The following SLC30A7 variants were observed in gnomAD, a reference collection of about 807,000 sequenced individuals.
SLC30A7 encodes the protein solute carrier family 30 member 7.
Under a neutral mutation model 46.0 loss-of-function variants are expected in SLC30A7, and 35 were observed. The ratio of observed to expected loss-of-function variants is 0.76; its 90% CI spans 0.58 to 1.01. The LOEUF (loss-of-function observed/expected upper bound fraction) is 1.01, where lower values mean the gene tolerates loss of function less well. Ranked by LOEUF, SLC30A7 falls within the 50% of genes least tolerant of loss-of-function variation. SLC30A7 has a pLI of 0.00. For missense variants in SLC30A7, 464 were observed against 451.1 expected (o/e 1.03, Z -0.26); for synonymous variants, 147 against 157.8 (o/e 0.93, Z 0.51).
intron 8 of SLC30A7, among the ~76,000 whole-genome samples, chr1:100,959,054 C>A (rs572253866): frequency 3.9e-5 from 6 of 152,052 alleles, no homozygotes; most frequent in African/African-American, 1.4e-4. Context: ...TTGAGCAAAA[C>A]CATGAAAGTA....
At chr1:100,918,873 A>G (rs1002462398) in intron 7 of SLC30A7, among the ~76,000 whole-genome samples, 1 of 152,192 alleles carries the variant, frequency 6.6e-6, no homozygotes, top group African/African-American at 2.4e-5. Context: ...ATCATAGCAC[A>G]TTATTGCCAG....
At chr1:100,904,821 CT>C (rs1187574628) in intron 2 of SLC30A7, among the ~76,000 whole-genome samples, 1 of 152,186 alleles carries the variant, frequency 6.6e-6, no homozygotes, top group Non-Finnish European at 1.5e-5. Context: ...TATTTGTTAA[CT>C]TTAACCCAAA....
intron 8 of SLC30A7, among the ~76,000 whole-genome samples, chr1:100,939,831 A>G (rs1164446909): frequency 6.6e-6 from 1 of 151,580 alleles, no homozygotes; most frequent in African/African-American, 2.4e-5. Context: ...CCTGGGCAAC[A>G]GAGTGAGACT....
chr1:100,953,789 T>C (rs1655077810), intron 8 of SLC30A7, among the ~76,000 whole-genome samples: 1 of 152,228 alleles, frequency 6.6e-6, no homozygotes, highest in Admixed American at 6.5e-5. Context: ...AATTTTTACT[T>C]ATATTGCTGG....
the SLC30A7 span, among the ~76,000 whole-genome samples, chr1:100,993,948 T>A: frequency 1.3e-5 from 2 of 151,998 alleles, no homozygotes; most frequent in Non-Finnish European, 2.9e-5. Context: ...TTCACCATCT[T>A]GGCCAGGCTG....
At chr1:100,945,336 G>A (rs1359092193) in intron 8 of SLC30A7, among the ~76,000 whole-genome samples, 2 of 152,094 alleles carry the variant, frequency 1.3e-5, no homozygotes, top group Non-Finnish European at 2.9e-5. Flanking sequence ...ATTGCTTTTG[G>A]TGTTTTAGTC....
the SLC30A7 span, among the ~76,000 whole-genome samples, chr1:100,988,843 G>A: frequency 6.6e-6 from 1 of 151,830 alleles, no homozygotes; most frequent in Non-Finnish European, 1.5e-5. Context: ...GAGTGAGACT[G>A]TGTCTCAAAA....
rs1158070729 is a variant in SLC30A7, at chr1:100,977,569, A to T, written c.*2712A>T. ...ATAAAATTAATTTACAATGTCCCTGATATTGAGCTAACTCTTAAAAAAACC... is the reference window on the plus strand; with the variant it reads ...ATAAAATTAATTTACAATGTCCCTGTTATTGAGCTAACTCTTAAAAAAACC... On this transcript the variant is annotated 3_prime_UTR_variant, in exon 11 of 11. Transcript: ENST00000357650. The T allele has an allele frequency of 3.3e-5, 5 of 152,142 alleles. No individual in the cohort carries two copies. Among genetic ancestry groups the T allele is most frequent in the African/African-American group, 4.8e-5 (2 of 41,428 alleles). The allele number at this position is 152,142 out of a possible 1,614,324, so 9.4% of individuals were successfully genotyped here.
At chr1:100,945,201 G>C (rs1654559300) in intron 8 of SLC30A7, among the ~76,000 whole-genome samples, 1 of 151,974 alleles carries the variant, frequency 6.6e-6, no homozygotes, top group Non-Finnish European at 1.5e-5. Context: ...TTGTCAGATG[G>C]GTAGATTGCA....
At chr1:100,953,821 A>C (rs1484088937) in intron 8 of SLC30A7, among the ~76,000 whole-genome samples, 1 of 152,174 alleles carries the variant, frequency 6.6e-6, no homozygotes, top group Non-Finnish European at 1.5e-5. Context: ...TTTCTTATTC[A>C]TAAAAATGAA....
chr1:100,967,065 A>G lies in SLC30A7; in HGVS notation c.1083+1147A>G, dbSNP rs1212844583. ...CTGATTACTATGGTATGTATTGTGTATATATTGGGAGAATAAGAAGGTCAT... is the reference window on the plus strand; with the variant it reads ...CTGATTACTATGGTATGTATTGTGTGTATATTGGGAGAATAAGAAGGTCAT... On this transcript the variant is annotated intron_variant, in intron 10 of 10. Transcript: ENST00000357650. Among the ~76,000 whole-genome samples the G allele has an allele frequency of 2.0e-5, 3 of 152,236 alleles. No individual in the cohort carries two copies. In the East Asian group the frequency reaches 5.8e-4, roughly 29 times the overall value.
At chr1:100,911,862 C>T (rs1435010096) in intron 4 of SLC30A7, among the ~76,000 whole-genome samples, 4 of 151,990 alleles carry the variant, frequency 2.6e-5, no homozygotes. Context: ...TTTCAAGATA[C>T]CACATAAGAA....
At chr1:100,912,500 G>GA (rs1323881635) in intron 5 of SLC30A7, among the ~76,000 whole-genome samples, 1 of 152,014 alleles carries the variant, frequency 6.6e-6, no homozygotes, top group Non-Finnish European at 1.5e-5. Flanking sequence ...ACAAATATCA[G>GA]AAAACCACAA....
chr1:100,896,211 A>G lies in SLC30A7; in HGVS notation c.-52A>G. The G allele has an allele frequency of 6.5e-7, 1 of 1,548,992 alleles. No individual in the cohort carries two copies. Among genetic ancestry groups the G allele is most frequent in the Non-Finnish European group, 8.9e-7 (1 of 1,121,046 alleles). On this transcript the variant is annotated 5_prime_UTR_variant, in exon 1 of 11. Coordinates refer to ENST00000357650, the MANE Select transcript of SLC30A7 (RefSeq NM_133496.5). Reference sequence around the variant, plus strand: ...TCACTACTGTCACTGCCATCACCCCACGGAGCCACTTCTAGAGGGGAGTAG... The same window carrying G: ...TCACTACTGTCACTGCCATCACCCCGCGGAGCCACTTCTAGAGGGGAGTAG...
At position 100,960,947 on chromosome 1, in the gene SLC30A7, G is replaced by GT. The variant is rs11354218; in HGVS notation, c.843-857dup. On this transcript the variant is annotated intron_variant, in intron 8 of 10. Coordinates refer to ENST00000357650, the MANE Select transcript of SLC30A7 (RefSeq NM_133496.5). ...CATTCTACTATTAATTGTTTTGTGT[G>GT]TTTTTTTTTTTTTTTTTTTTTTTTA... Among the ~76,000 whole-genome samples, 572 of 86,192 alleles carry GT rather than the reference G, an allele frequency of 6.6e-3. 7 individuals are homozygous for GT. Among genetic ancestry groups the GT allele is most frequent in the African/African-American group, 0.016 (348 of 21,102 alleles). The allele number at this position is 86,192 out of a possible 152,430, so 56.5% of individuals were successfully genotyped here. A position where few individuals can be genotyped will look rare whatever the true frequency, so the allele number is the denominator to read the frequency against.
chr1:100,951,662 C>T (rs1308066424), intron 8 of SLC30A7, among the ~76,000 whole-genome samples: 2 of 152,144 alleles, frequency 1.3e-5, no homozygotes, highest in Non-Finnish European at 2.9e-5. Context: ...CAATCCTCTC[C>T]ATGTTGTGAA....
intron 8 of SLC30A7, 76 bp from the exon 9 acceptor site, chr1:100,961,752 G>A (rs1269087065): frequency 5.4e-6 from 4 of 735,818 alleles, no homozygotes; most frequent in African/African-American, 1.8e-5. Flanking sequence ...ACCGTAGGGA[G>A]GCATATTATT....
intron 7 of SLC30A7, among the ~76,000 whole-genome samples, chr1:100,919,426 A>G (rs1193708494): frequency 6.6e-6 from 1 of 151,646 alleles, no homozygotes. Context: ...TCTTTATATA[A>G]CTCTCGTTTT....
chr1:100,944,090 C>T (rs1052405956), intron 8 of SLC30A7, among the ~76,000 whole-genome samples: 3 of 152,170 alleles, frequency 2.0e-5, no homozygotes, highest in Non-Finnish European at 4.4e-5. Flanking sequence ...CTGGCTCTGT[C>T]ACCCAGGCTA....
Sources: gnomAD v4.1 joint callset for allele counts (sites outside exome capture counted in the v4.1 genomes callset) on GRCh38, gnomAD v4.1.1 for gene constraint, MANE v1.5 for transcripts, NCBI Gene and HGNC (gene_info 2026-07-23, HGNC 2026-07-21) for gene names.